Variants in PTCHD4 observed in about 807,000 individuals in gnomAD.
The protein encoded by PTCHD4 is patched domain containing 4.
In PTCHD4, 33 loss-of-function variants were observed where a neutral mutation model predicts 58.1. That is an observed-to-expected ratio of 0.57 (90% CI 0.43 to 0.76). PTCHD4 has a LOEUF of 0.76. PTCHD4 is among the 30% of genes least tolerant of loss of function. PTCHD4 has a pLI of 0.00. For synonymous variants in PTCHD4, 478 were observed against 409.6 expected, an observed-to-expected ratio of 1.17 and a Z score of -2.02; for missense variants, 1,058 against 1,027.1, an observed-to-expected ratio of 1.03 and a Z score of -0.41.
At chr6:48,029,222 T>C (rs1414278997) in intron 3 of PTCHD4, among the ~76,000 whole-genome samples, 1 of 152,132 alleles carries the variant, frequency 6.6e-6, no homozygotes, top group African/African-American at 2.4e-5. Context: ...TCACTACAGA[T>C]AGTTTTTTAC....
At chr6:48,091,717 G>T (rs571154128) in intron 1 of PTCHD4, among the ~76,000 whole-genome samples, 33 of 148,580 alleles carry the variant, frequency 2.2e-4, no homozygotes, top group Admixed American at 6.1e-4. Flanking sequence ...CACAATCTCG[G>T]CTCACTGCAA....
chr6:48,000,199 TGA>T (rs1768666492), intron 4 of PTCHD4, among the ~76,000 whole-genome samples: 1 of 152,170 alleles, frequency 6.6e-6, no homozygotes. Flanking sequence ...CACATCAAAC[TGA>T]GAGACAAACA....
chr6:48,057,961 A>G (rs1764472878), intron 3 of PTCHD4, among the ~76,000 whole-genome samples: 1 of 152,236 alleles, frequency 6.6e-6, no homozygotes, highest in African/African-American at 2.4e-5. Context: ...TGAATAGATA[A>G]ATGACAATGA....
chr6:48,058,672 A>G (rs1026853830), intron 3 of PTCHD4, among the ~76,000 whole-genome samples: 1 of 152,254 alleles, frequency 6.6e-6, no homozygotes, highest in Admixed American at 6.5e-5. Context: ...AAGAGGGAAG[A>G]AAGTGGTCAA....
chr6:47,978,722 A>G (rs968161794), intron 4 of PTCHD4, among the ~76,000 whole-genome samples: 30 of 152,156 alleles, frequency 2.0e-4, no homozygotes, highest in Non-Finnish European at 3.8e-4. Flanking sequence ...ACAGGTCAAT[A>G]AAAGTTAAGT....
chr6:47,982,481 C>CTA (rs557273165), intron 4 of PTCHD4, among the ~76,000 whole-genome samples: 1 of 130,794 alleles, frequency 7.6e-6, no homozygotes, highest in East Asian at 2.3e-4. Context: ...TTATCTCTCT[C>CTA]TTTTTTTTTT....
At chr6:47,959,920 A>G (rs561110959) in intron 4 of PTCHD4, among the ~76,000 whole-genome samples, 1 of 152,074 alleles carries the variant, frequency 6.6e-6, no homozygotes, top group East Asian at 1.9e-4. Flanking sequence ...AAGAATACAA[A>G]TGTTATAAGC....
intron 1 of PTCHD4, among the ~76,000 whole-genome samples, chr6:48,101,609 A>G (rs1051629168): frequency 2.5e-4 from 38 of 152,202 alleles, no homozygotes; most frequent in African/African-American, 9.2e-4. Context: ...CTGTTCAGGT[A>G]AACTGGGTAG....
intron 4 of PTCHD4, among the ~76,000 whole-genome samples, chr6:47,963,819 A>T (rs749985943): frequency 1.1e-4 from 16 of 152,230 alleles, no homozygotes; most frequent in Admixed American, 3.3e-4. Context: ...CCTAGAAAAT[A>T]AAATGTTATT....
chr6:47,904,066 A>C (rs1037811934), intron 4 of PTCHD4, among the ~76,000 whole-genome samples: 1 of 152,314 alleles, frequency 6.6e-6, no homozygotes, highest in East Asian at 1.9e-4. Context: ...GCTGGAGTGG[A>C]CTGAAAGAAG....
intron 4 of PTCHD4, among the ~76,000 whole-genome samples, chr6:47,891,932 G>A (rs16876758): frequency 0.036 from 5,488 of 152,128 alleles, 158 homozygotes; most frequent in Non-Finnish European, 0.048. Context: ...TTGAGTATAG[G>A]AGTTATAACA....
intron 3 of PTCHD4, among the ~76,000 whole-genome samples, chr6:48,042,372 T>C (rs1269527940): frequency 6.6e-6 from 1 of 152,020 alleles, no homozygotes; most frequent in East Asian, 1.9e-4. Flanking sequence ...CTTGGAGAAA[T>C]CACTTTCTTC....
chr6:47,981,791 G>C (rs1345073722), intron 4 of PTCHD4, among the ~76,000 whole-genome samples: 2 of 152,126 alleles, frequency 1.3e-5, no homozygotes, highest in African/African-American at 4.8e-5. Flanking sequence ...TGACATTCAG[G>C]AGGACACAAA....
intron 3 of PTCHD4, among the ~76,000 whole-genome samples, chr6:48,042,597 C>T (rs535652870): frequency 1.8e-4 from 27 of 151,926 alleles, no homozygotes; most frequent in Middle Eastern, 3.4e-3. Flanking sequence ...AACAGAGAAA[C>T]GGATCAGAAT....
chr6:48,018,216 C>T (rs1183676267), intron 3 of PTCHD4, among the ~76,000 whole-genome samples: 2 of 152,214 alleles, frequency 1.3e-5, no homozygotes, highest in Non-Finnish European at 2.9e-5. Flanking sequence ...TCCATTTCTG[C>T]TACTATACCG....
rs112038610 is a variant in PTCHD4 at position 48,008,847 on chromosome 6, G to A, written c.685C>T (p.Leu229=). ...LWRDFHKTSI[L]ARSKVLVSLV... is the part of the protein sequence containing the mutation. ...CTCACCAGGACCTTGCTTCTGGCCA[G>A]GATGCTGGTCTTATGAAAGTCCCTC... is the stretch of plus-strand genomic sequence containing the variant. Residue 229 remains leucine, a synonymous_variant, in exon 4 of 5, where the codon CTG becomes TTG. Transcript: ENST00000339488. 4,359 of 1,614,014 alleles carry A rather than the reference G, an allele frequency of 2.7e-3. 73 individuals carry two copies. The South Asian group carries it at 0.032, about 12-fold the overall frequency.
intron 4 of PTCHD4, among the ~76,000 whole-genome samples, chr6:47,969,764 T>G (rs1344076671): frequency 6.6e-6 from 1 of 152,154 alleles, no homozygotes; most frequent in East Asian, 1.9e-4. Context: ...TTCTTAGAAA[T>G]GAAAATTTCA....
intron 3 of PTCHD4, among the ~76,000 whole-genome samples, chr6:48,038,208 G>A (rs934342835): frequency 3.3e-5 from 5 of 151,574 alleles, no homozygotes; most frequent in African/African-American, 4.8e-5. Flanking sequence ...TCTCCTGACC[G>A]GGGTTAATTA....
chr6:47,899,118 C>CCAATAG (rs1764618015), intron 4 of PTCHD4, among the ~76,000 whole-genome samples: 1 of 152,182 alleles, frequency 6.6e-6, no homozygotes, highest in Non-Finnish European at 1.5e-5. Flanking sequence ...AACTCTTCTT[C>CCAATAG]CAATAGCAAG....
Sources: gnomAD v4.1 joint callset for allele counts (sites outside exome capture counted in the v4.1 genomes callset) on GRCh38, gnomAD v4.1.1 for gene constraint, MANE v1.5 for transcripts, NCBI Gene and HGNC (gene_info 2026-07-23, HGNC 2026-07-21) for gene names.